The following SDCBP2 variants were observed in gnomAD, a reference collection of about 807,000 sequenced individuals.
SDCBP2 encodes the protein syntenin-2.
In SDCBP2, 28 loss-of-function variants were observed where a neutral mutation model predicts 30.7. The observed-to-expected ratio is 0.91, with a 90% confidence interval of 0.68 to 1.25. The LOEUF (loss-of-function observed/expected upper bound fraction) is 1.25. Among genes scored for constraint, SDCBP2 ranks in the 50% most tolerant of loss-of-function variants. SDCBP2 has a pLI of 0.00. For missense variants in SDCBP2, 399 were observed against 379.0 expected (o/e 1.05, Z -0.44); for synonymous variants, 166 against 157.3 (o/e 1.06, Z -0.41).
rs1261035767 is a variant in SDCBP2 at position 1,324,078 on chromosome 20, G to A, written c.-19-3643C>T. The A allele has an allele frequency of 1.3e-5, 2 of 152,112 alleles. No homozygotes were observed. The highest frequency in any genetic ancestry group is 6.5e-5 in the Admixed American group (1 of 15,274). 9.4% of individuals were successfully genotyped at this position (152,112 alleles called of 1,614,324 possible). On this transcript the variant is annotated intron_variant, in intron 1 of 8. Coordinates refer to ENST00000360779, the MANE Select transcript of SDCBP2 (RefSeq NM_080489.5). The surrounding 1 kb of genome is among the most constrained non-coding windows in gnomAD (Gnocchi z 4.7). ...ATCCTCCTTGGTGTGATGCTCCTTC[G>A]AGGCTCAGTTCAGATGCTACTTCTC...
At chr20:1,315,859 A>G (rs1406924393) in intron 4 of SDCBP2, among the ~76,000 whole-genome samples, 2 of 152,194 alleles carry the variant, frequency 1.3e-5, no homozygotes, top group Non-Finnish European at 2.9e-5. Context: ...TAGAATACAC[A>G]AAGAACTCCC....
chr20:1,320,342 C>T lies in SDCBP2; in HGVS notation c.54+21G>A, dbSNP rs1299646794. On this transcript the variant is annotated intron_variant, in intron 2 of 8. Transcript: ENST00000360779. This position sits in a 1 kb window ranked among gnomAD's most constrained non-coding sequence, Gnocchi z 4.7. ...AAGGTCCCCTTCAGGGAATCCAGGCCAATGGGGCCTGGCGACTTACCTGAA... is the reference window on the plus strand; with the variant it reads ...AAGGTCCCCTTCAGGGAATCCAGGCTAATGGGGCCTGGCGACTTACCTGAA... 1.2e-6 allele frequency: 2 copies of T among 1,611,540 alleles called. No homozygotes were observed. Among genetic ancestry groups the T allele is most frequent in the Non-Finnish European group, 1.7e-6 (2 of 1,178,068 alleles).
intron 2 of SDCBP2, 65 bp from the exon 3 acceptor site, chr20:1,319,724 C>A: frequency 7.3e-7 from 1 of 1,361,210 alleles, no homozygotes; most frequent in Non-Finnish European, 9.9e-7. Flanking sequence ...GAGCCTGGAG[C>A]TCCATGAGGC....
chr20:1,313,480 CG>C lies in SDCBP2; in HGVS notation c.243del (p.Gly84AlafsTer7). The C allele has an allele frequency of 1.3e-6, 2 of 1,593,066 alleles. No individual in the cohort carries two copies. The highest frequency in any genetic ancestry group is 8.5e-7 in the Non-Finnish European group (1 of 1,173,312). The part of the protein sequence containing the change: ...PEGDSTAVSG[P>X]GPGQMVAPVT... Reference sequence around the variant, plus strand: ...ACCGGTGCCACCATCTGGCCGGGCCCGGGGCCCGAGACCGCTGTCTGCAGAC... The same window carrying C: ...ACCGGTGCCACCATCTGGCCGGGCCCGGGCCCGAGACCGCTGTCTGCAGAC... On this transcript the variant is annotated frameshift_variant, in exon 5 of 9. Coordinates refer to ENST00000360779, the MANE Select transcript of SDCBP2 (RefSeq NM_080489.5). LOFTEE classifies it high-confidence loss of function. This position sits in a 1 kb window ranked among gnomAD's most constrained non-coding sequence, Gnocchi z 5.2.
rs1201221339 is a variant in SDCBP2 at position 1,312,768 on chromosome 20, G to T, written c.385-6C>A. On this transcript the variant is annotated splice_region_variant and splice_polypyrimidine_tract_variant and intron_variant, in intron 5 of 8. Transcript: ENST00000360779. ...ACCAACTGCACAAAGAGCCCCTGGG[G>T]GAGGCAGGGCCCCAGAGTCAGTGTC... 6.2e-7 allele frequency: 1 copy of T among 1,606,360 alleles called. No individual in the cohort carries two copies. Among genetic ancestry groups the T allele is most frequent in the Non-Finnish European group, 8.5e-7 (1 of 1,176,444 alleles).
chr20:1,319,082 C>T (rs746965762), intron 3 of SDCBP2, among the ~76,000 whole-genome samples: 1 of 152,210 alleles, frequency 6.6e-6, no homozygotes, highest in Admixed American at 6.5e-5. Context: ...CGCTATCTGC[C>T]GTCCACTTCT....
At chr20:1,319,851 G>A (rs1158766159) in intron 2 of SDCBP2, among the ~76,000 whole-genome samples, 192 bp from the exon 3 acceptor site, 1 of 152,220 alleles carries the variant, frequency 6.6e-6, no homozygotes, top group Non-Finnish European at 1.5e-5. Flanking sequence ...TTCCTGGGAG[G>A]AAGTTCTGGG....
intron 7 of SDCBP2, among the ~76,000 whole-genome samples, chr20:1,311,602 G>A (rs956507541): frequency 6.6e-6 from 1 of 152,216 alleles, no homozygotes; most frequent in African/African-American, 2.4e-5. Context: ...GAAAATAAAT[G>A]TGAGAAGATG....
chr20:1,325,581 T>C, intron 1 of SDCBP2: 1 of 152,316 alleles, frequency 6.6e-6, no homozygotes, highest in Non-Finnish European at 1.5e-5. Context: ...CCGCGGCCCC[T>C]CTTTACCGGA....
Position 1,310,354 on chromosome 20 carries a change from C to G in SDCBP2, c.*87G>C. 7.2e-7 allele frequency: 1 copy of G among 1,388,240 alleles called. No homozygotes were observed. The highest frequency in any genetic ancestry group is 1.8e-5 in the Admixed American group (1 of 57,058). The allele number at this position is 1,388,240 out of a possible 1,614,324, so 86.0% of individuals were successfully genotyped here. ...GGCAGCCCCCACCTTAAGCAGCAGG[C>G]CGGCTGCAACCCATCATCCGAGGGT... On this transcript the variant is annotated 3_prime_UTR_variant, in exon 9 of 9. Transcript: ENST00000360779.
At chr20:1,328,951 A>C (rs1005526552) in intron 1 of SDCBP2, 134 bp downstream of exon 1, 2 of 152,274 alleles carry the variant, frequency 1.3e-5, no homozygotes, top group African/African-American at 4.8e-5. Flanking sequence ...GACTGCTTGG[A>C]GTGAAGCACT....
intron 4 of SDCBP2, among the ~76,000 whole-genome samples, chr20:1,317,188 T>A (rs2088789780): frequency 6.6e-6 from 1 of 152,088 alleles, no homozygotes; most frequent in Admixed American, 6.5e-5. Flanking sequence ...GTTACATGAA[T>A]CTACACACTG....
In SDCBP2 at chr20:1,312,742, G is replaced by A; in HGVS notation, c.405C>T (p.Val135=). 4 of 1,613,080 alleles carry A rather than the reference G, an allele frequency of 2.5e-6. No individual in the cohort carries two copies. Among genetic ancestry groups the A allele is most frequent in the Non-Finnish European group, 3.4e-6 (4 of 1,179,704 alleles). The change falls in exon 6 of 9, where the codon GTC becomes GTT. Residue 135 remains valine (V), a synonymous_variant. Coordinates refer to ENST00000360779, the MANE Select transcript of SDCBP2 (RefSeq NM_080489.5). ...CAAGGGATGCAGGGGTGTTGGCCTG[G>A]ACCAACTGCACAAAGAGCCCCTGGG... ...KVDQGLFVQL[V]QANTPASLVG... is the part of the protein sequence containing the mutation.
chr20:1,319,372 G>T, intron 3 of SDCBP2: 1 of 561,394 alleles, frequency 1.8e-6, no homozygotes, highest in South Asian at 2.0e-5. Context: ...GGAGGGAGGG[G>T]AACAGCATGG....
intron 6 of SDCBP2, 21 bp from the exon 7 acceptor site, chr20:1,312,529 C>T (rs772629372): frequency 6.2e-7 from 1 of 1,614,140 alleles, no homozygotes; most frequent in South Asian, 1.1e-5. Context: ...GGACAGTGAG[C>T]TGTCCTGGGG....
At chr20:1,311,014 G>T in intron 7 of SDCBP2, 123 bp from the exon 8 acceptor site, 1 of 675,764 alleles carries the variant, frequency 1.5e-6, no homozygotes, top group Non-Finnish European at 2.5e-6. Context: ...CTGACTGCAG[G>T]GCAGGGCTGC....
In SDCBP2 at chr20:1,313,561, C is replaced by T; in HGVS notation, c.226-63G>A. On this transcript the variant is annotated intron_variant, in intron 4 of 8. Transcript: ENST00000360779. This position sits in a 1 kb window ranked among gnomAD's most constrained non-coding sequence, Gnocchi z 5.2. Reference sequence around the variant, plus strand: ...TGGGGACCCTGTGCCTCAGGAGACACTGGGGTGGGGGTAGGGATGGGGAAA... The same window carrying T: ...TGGGGACCCTGTGCCTCAGGAGACATTGGGGTGGGGGTAGGGATGGGGAAA... 1 of 1,494,290 alleles carries T rather than the reference C, an allele frequency of 6.7e-7. No homozygotes were observed. The highest frequency in any genetic ancestry group is 2.5e-5 in the East Asian group (1 of 40,686). The allele number at this position is 1,494,290 out of a possible 1,614,324, so 92.6% of individuals were successfully genotyped here.
intron 4 of SDCBP2, among the ~76,000 whole-genome samples, chr20:1,314,301 C>T (rs1456147419): frequency 6.6e-6 from 1 of 151,718 alleles, no homozygotes; most frequent in Admixed American, 6.6e-5. Flanking sequence ...CTAGCCTGGG[C>T]AACTGTTGAA....
rs1394287321 is a variant in SDCBP2, at chr20:1,321,058, C to T, written c.-19-623G>A. ...CTTGTCACCCTCGGTTCCTGTGGGA[C>T]ACGCCTCCCCTGGCTCCCAGGCAAT... On this transcript the variant is annotated intron_variant, in intron 1 of 8. Transcript: ENST00000360779. This position sits in a 1 kb window ranked among gnomAD's most constrained non-coding sequence, Gnocchi z 5.2. 32 of 152,508 alleles carry T rather than the reference C, an allele frequency of 2.1e-4. 1 individual carries two copies. Among genetic ancestry groups the T allele is most frequent in the Admixed American group, 2.1e-3 (32 of 15,292 alleles). 9.4% of individuals were successfully genotyped at this position (152,508 alleles called of 1,614,324 possible). A position where few individuals can be genotyped will look rare whatever the true frequency, so the allele number is the denominator to read the frequency against.
Sources: allele counts gnomAD v4.1 joint callset (sites outside exome capture counted in the v4.1 genomes callset), GRCh38; gene constraint gnomAD v4.1.1; non-coding constraint Gnocchi (gnomAD v3.1); transcripts MANE v1.5; gene names NCBI Gene and HGNC (gene_info 2026-07-23, HGNC 2026-07-21).